Variants in PCDH11Y observed in about 807,000 individuals in gnomAD.
PCDH11Y encodes protocadherin-11 Y-linked.
For synonymous variants in PCDH11Y, 9 were observed against 83.6 expected (o/e 0.11, Z 4.87); for missense variants, 12 against 224.8 (o/e 0.05, Z 6.05).
intron 1 of PCDH11Y, among the ~76,000 whole-genome samples, chrY:5,062,897 TTA>T (rs2052678480): frequency 3.0e-5 from 1 of 33,284 alleles, no homozygotes; most frequent in East Asian, 7.9e-4. Context: ...CCACTAAATT[TTA>T]TGTTATTAGA....
At chrY:5,423,399 A>G (rs2053260113) in intron 2 of PCDH11Y, among the ~76,000 whole-genome samples, 1 of 33,753 alleles carries the variant, frequency 3.0e-5, no homozygotes, top group African/African-American at 1.2e-4. Context: ...CAGAACTGAC[A>G]TATGATCCAA....
chrY:5,597,343 A>ATATACGTGTG (rs2053468311), intron 4 of PCDH11Y, among the ~76,000 whole-genome samples: 1 of 28,368 alleles, frequency 3.5e-5, no homozygotes, highest in Non-Finnish European at 8.3e-5. Context: ...ATATACGTAT[A>ATATACGTGTG]TATATGTGTG....
At chrY:5,413,730 T>G in intron 2 of PCDH11Y, among the ~76,000 whole-genome samples, 1 of 33,055 alleles carries the variant, frequency 3.0e-5, no homozygotes, top group South Asian at 6.8e-4. Flanking sequence ...GGTTCTGGGC[T>G]TTTTCTGGTT....
intron 3 of PCDH11Y, among the ~76,000 whole-genome samples, chrY:5,548,661 G>A (rs2053415507): frequency 6.1e-5 from 2 of 32,675 alleles, no homozygotes; most frequent in Admixed American, 5.7e-4. Flanking sequence ...ATGGCAGCTA[G>A]AGAGAAGGGG....
At chrY:5,561,987 T>G in intron 3 of PCDH11Y, among the ~76,000 whole-genome samples, 23 of 33,547 alleles carry the variant, frequency 6.9e-4, no homozygotes, top group African/African-American at 2.7e-3. Flanking sequence ...AGCCGAAATT[T>G]TATTGTTTGC....
intron 1 of PCDH11Y, among the ~76,000 whole-genome samples, chrY:5,087,660 G>T: frequency 3.1e-5 from 1 of 32,213 alleles, no homozygotes; most frequent in African/African-American, 1.2e-4. Context: ...TATGCTGCAT[G>T]CCACCCTAGT....
chrY:5,449,586 C>T (rs2053291270), intron 2 of PCDH11Y, among the ~76,000 whole-genome samples: 2 of 32,846 alleles, frequency 6.1e-5, no homozygotes, highest in African/African-American at 1.2e-4. Flanking sequence ...AAAATCAAGG[C>T]GTTTGAAGGA....
intron 3 of PCDH11Y, among the ~76,000 whole-genome samples, chrY:5,532,829 CT>C (rs1309581388): frequency 2.2e-3 from 37 of 16,742 alleles, no homozygotes; most frequent in East Asian, 2.5e-3. Flanking sequence ...TCCCTCCACC[CT>C]TTTTTTTTTT....
At chrY:5,114,226 A>C in intron 2 of PCDH11Y, among the ~76,000 whole-genome samples, 1 of 31,886 alleles carries the variant, frequency 3.1e-5, no homozygotes, top group African/African-American at 1.2e-4. Context: ...TTTTCAAGGG[A>C]CTTTGCAATC....
chrY:5,401,465 A>T (rs2053233852), intron 2 of PCDH11Y, among the ~76,000 whole-genome samples: 1 of 32,515 alleles, frequency 3.1e-5, no homozygotes, highest in African/African-American at 1.2e-4. Context: ...AAGTTTCAGG[A>T]TACATGTGCA....
At chrY:5,516,271 C>T (rs2053372561) in intron 3 of PCDH11Y, among the ~76,000 whole-genome samples, 1 of 32,926 alleles carries the variant, frequency 3.0e-5, no homozygotes, top group African/African-American at 1.2e-4. Flanking sequence ...AAAGTGTGTG[C>T]GTGTGTGTAT....
intron 4 of PCDH11Y, among the ~76,000 whole-genome samples, chrY:5,666,315 C>G: frequency 6.1e-5 from 2 of 32,805 alleles, no homozygotes; most frequent in Non-Finnish European, 1.5e-4. Context: ...AAGCAGCTTC[C>G]AGATAGTTTT....
At chrY:5,120,489 T>C in intron 2 of PCDH11Y, among the ~76,000 whole-genome samples, 1 of 32,619 alleles carries the variant, frequency 3.1e-5, no homozygotes, top group Non-Finnish European at 7.5e-5. Context: ...ATGGTAGGAA[T>C]GTTGCTTCCT....
chrY:5,242,999 A>C, intron 2 of PCDH11Y, among the ~76,000 whole-genome samples: 1 of 33,647 alleles, frequency 3.0e-5, no homozygotes, highest in Non-Finnish European at 7.4e-5. Context: ...GTGTAGAGTC[A>C]AAAATGCCAC....
chrY:5,372,055 G>T, intron 2 of PCDH11Y, among the ~76,000 whole-genome samples: 1 of 33,416 alleles, frequency 3.0e-5, no homozygotes, highest in East Asian at 7.8e-4. Context: ...AGAGGGAATT[G>T]AAATATGGAA....
chrY:5,067,776 G>A, intron 1 of PCDH11Y, among the ~76,000 whole-genome samples: 2 of 31,630 alleles, frequency 6.3e-5, no homozygotes, highest in Non-Finnish European at 1.5e-4. Flanking sequence ...ACTTTCGGAG[G>A]CCGAGGCGGG....
chrY:5,728,782 C>G, intron 4 of PCDH11Y, among the ~76,000 whole-genome samples: 1 of 32,422 alleles, frequency 3.1e-5, no homozygotes, highest in African/African-American at 1.2e-4. Flanking sequence ...TCCCCTCTCT[C>G]CCTTCTAATA....
intron 2 of PCDH11Y, among the ~76,000 whole-genome samples, chrY:5,305,293 A>G: frequency 3.0e-5 from 1 of 33,567 alleles, no homozygotes; most frequent in African/African-American, 1.2e-4. Flanking sequence ...TACAAGTTTT[A>G]TGTGGCACAG....
At chrY:5,091,373 C>T in intron 1 of PCDH11Y, among the ~76,000 whole-genome samples, 1 of 33,202 alleles carries the variant, frequency 3.0e-5, no homozygotes, top group Non-Finnish European at 7.5e-5. Flanking sequence ...ATGATTGGTT[C>T]CTCCTAGGAT....
Sources: gnomAD v4.1 joint callset for allele counts (sites outside exome capture counted in the v4.1 genomes callset) on GRCh38, gnomAD v4.1.1 for gene constraint, MANE v1.5 for transcripts, NCBI Gene and HGNC (gene_info 2026-07-23, HGNC 2026-07-21) for gene names.